CSMD3: variants seen among roughly 807,000 people sequenced by gnomAD.
CSMD3 encodes CUB and Sushi multiple domains 3.
Under a neutral mutation model 435.2 loss-of-function variants are expected in CSMD3, and 177 were observed. The observed-to-expected ratio is 0.41, with a 90% CI of 0.36 to 0.46. The LOEUF (loss-of-function observed/expected upper bound fraction) is 0.46. Ranked by LOEUF, CSMD3 falls within the 20% of genes least tolerant of loss-of-function variation. The pLI, the probability that CSMD3 is intolerant of heterozygous loss-of-function variation, is 0.34. For missense variants in CSMD3, 4,265 were observed against 4,504.6 expected (o/e 0.95, Z 1.52); for synonymous variants, 1,656 against 1,520.5 (o/e 1.09, Z -2.07).
At chr8:113,210,285 A>G (rs1330637807) in intron 3 of CSMD3, among the ~76,000 whole-genome samples, 1 of 152,114 alleles carries the variant, frequency 6.6e-6, no homozygotes, top group Non-Finnish European at 1.5e-5. Context: ...ATGGAGTATG[A>G]GCACTGGAAT....
At chr8:113,315,709 AAT>A (rs1332861889) in intron 1 of CSMD3, among the ~76,000 whole-genome samples, 6 of 133,308 alleles carry the variant, frequency 4.5e-5, no homozygotes, top group African/African-American at 1.6e-4. Flanking sequence ...ATATATATCA[AAT>A]ATATATATTA....
At chr8:112,600,958 C>A (rs888496836) in intron 22 of CSMD3, among the ~76,000 whole-genome samples, 4 of 151,938 alleles carry the variant, frequency 2.6e-5, no homozygotes, top group Admixed American at 6.6e-5. Flanking sequence ...CGTGAGCCAC[C>A]GCGCCCGGTC....
At chr8:112,314,689 G>C (rs1822299299) in intron 47 of CSMD3, 72 bp from the exon 48 acceptor site, 1 of 1,014,776 alleles carries the variant, frequency 9.9e-7, no homozygotes, top group South Asian at 1.3e-5. Context: ...TTTAGATACT[G>C]AGTATTCTGC....
At chr8:113,312,764 C>T (rs1272708209) in intron 2 of CSMD3, 1 of 152,052 alleles carries the variant, frequency 6.6e-6, no homozygotes, top group Non-Finnish European at 1.5e-5. Context: ...ACAAAAGACA[C>T]CAGCTTTTAA....
In CSMD3 at chr8:112,487,549, T is replaced by C. The variant is rs568962582; in HGVS notation, c.5278+4940A>G. ...TAAGATCTTTGGCATTTATTCTGATTTGGGAAGCCATTGGTGGATTTTGAG... is the reference window on the plus strand; with the variant it reads ...TAAGATCTTTGGCATTTATTCTGATCTGGGAAGCCATTGGTGGATTTTGAG... On this transcript the variant is annotated intron_variant, in intron 31 of 70. Transcript: ENST00000297405. Among the ~76,000 whole-genome samples the C allele has an allele frequency of 1.2e-4, 18 of 152,278 alleles. No homozygotes were observed. In the East Asian group the frequency reaches 3.5e-3, roughly 29 times the overall value.
chr8:112,640,874 A>G (rs2074805029), intron 20 of CSMD3, among the ~76,000 whole-genome samples: 1 of 152,144 alleles, frequency 6.6e-6, no homozygotes, highest in African/African-American at 2.4e-5. Context: ...AGTAGATTGA[A>G]TAAAAGAGAA....
chr8:112,976,871 A>C (rs983190662), intron 6 of CSMD3, among the ~76,000 whole-genome samples: 1 of 151,972 alleles, frequency 6.6e-6, no homozygotes, highest in African/African-American at 2.4e-5. Flanking sequence ...AACTATTATT[A>C]TACAGCACGT....
At chr8:113,029,418 T>A (rs2086997970) in intron 5 of CSMD3, among the ~76,000 whole-genome samples, 1 of 151,528 alleles carries the variant, frequency 6.6e-6, no homozygotes, top group African/African-American at 2.4e-5. Flanking sequence ...ATCAAAAAGA[T>A]AATCCAGCCT....
chr8:112,724,021 A>C (rs1026947804), intron 13 of CSMD3, among the ~76,000 whole-genome samples: 3 of 152,054 alleles, frequency 2.0e-5, no homozygotes, highest in African/African-American at 7.2e-5. Flanking sequence ...TTCAGTGTAG[A>C]GAGACAGAAA....
At chr8:112,681,298 C>G (rs748133923) in intron 16 of CSMD3, among the ~76,000 whole-genome samples, 19 of 151,548 alleles carry the variant, frequency 1.3e-4, no homozygotes, top group African/African-American at 3.9e-4. Context: ...GTGATCCGCC[C>G]GCCTTGGCCT....
rs1486895938 is a variant in CSMD3, at chr8:113,085,263, AT to A, written c.917+13492del. 2.6e-5 allele frequency among the ~76,000 whole-genome samples: 4 copies of A among 152,198 alleles called. No homozygotes were observed. The East Asian group carries it at 7.7e-4, about 29-fold the overall frequency. On this transcript the variant is annotated intron_variant, in intron 5 of 70. Coordinates refer to ENST00000297405, the MANE Select transcript of CSMD3 (RefSeq NM_198123.2). ...GCCAAAAAAAAACCACCCACAAATA[AT>A]TCAGTTAAAAGGGGGGCAAAGATCT...
chr8:112,460,778 T>C (rs1563565699), intron 32 of CSMD3, among the ~76,000 whole-genome samples: 1 of 152,154 alleles, frequency 6.6e-6, no homozygotes, highest in Non-Finnish European at 1.5e-5. Context: ...ACAGCTTCAG[T>C]GAATTTGGAA....
intron 1 of CSMD3, among the ~76,000 whole-genome samples, chr8:113,408,845 A>G (rs1265673601): frequency 1.3e-5 from 2 of 151,976 alleles, no homozygotes; most frequent in Non-Finnish European, 2.9e-5. Flanking sequence ...TTGTATTTTT[A>G]GTAGAGATGG....
At chr8:112,303,944 C>T (rs913679485) in intron 52 of CSMD3, among the ~76,000 whole-genome samples, 6 of 152,006 alleles carry the variant, frequency 3.9e-5, no homozygotes, top group Admixed American at 1.3e-4. Flanking sequence ...ACTGAATTTT[C>T]GCCTAGCATA....
chr8:112,328,602 G>A (rs1326855458), intron 45 of CSMD3, among the ~76,000 whole-genome samples: 1 of 152,132 alleles, frequency 6.6e-6, no homozygotes, highest in African/African-American at 2.4e-5. Flanking sequence ...ATCTGATTTG[G>A]TTCTGTGTCC....
Position 112,883,065 on chromosome 8 carries a change from G to A in CSMD3, c.1634-23799C>T, listed in dbSNP as rs181833498. Among the ~76,000 whole-genome samples the A allele has an allele frequency of 2.2e-3, 335 of 152,042 alleles. 9 individuals are homozygous for A. The South Asian group carries it at 0.051, about 23-fold the overall frequency. ...TGAAGGGAGTGGTGAATAAAAGGGAGGGGTTGTGTGGCCATCTGGCAAGCA... is the reference window on the plus strand; with the variant it reads ...TGAAGGGAGTGGTGAATAAAAGGGAAGGGTTGTGTGGCCATCTGGCAAGCA... On this transcript the variant is annotated intron_variant, in intron 10 of 70. Transcript: ENST00000297405.
chr8:112,686,046 AT>A (rs1166661107), intron 14 of CSMD3, among the ~76,000 whole-genome samples: 3 of 152,204 alleles, frequency 2.0e-5, no homozygotes, highest in African/African-American at 7.2e-5. Flanking sequence ...AAGTGAAAAA[AT>A]ATACAGAAGT....
intron 10 of CSMD3, among the ~76,000 whole-genome samples, chr8:112,893,066 CTAT>C (rs1470089616): frequency 6.6e-6 from 1 of 151,182 alleles, no homozygotes; most frequent in African/African-American, 2.4e-5. Flanking sequence ...ACTACTACTA[CTAT>C]AACAACAACA....
intron 59 of CSMD3, among the ~76,000 whole-genome samples, chr8:112,269,630 T>C (rs983889284): frequency 6.6e-6 from 1 of 152,124 alleles, no homozygotes; most frequent in Non-Finnish European, 1.5e-5. Flanking sequence ...CTGTTAGACA[T>C]TGAAAGCTAA....
Sources: gnomAD v4.1 joint callset for allele counts (sites outside exome capture counted in the v4.1 genomes callset) on GRCh38, gnomAD v4.1.1 for gene constraint, MANE v1.5 for transcripts, NCBI Gene and HGNC (gene_info 2026-07-23, HGNC 2026-07-21) for gene names.